Variants in VPS53 observed in about 807,000 individuals in gnomAD.
VPS53 encodes the protein VPS53 subunit of GARP complex.
VPS53 carries 70 observed loss-of-function variants against 107.0 expected under a neutral mutation model. The ratio of observed to expected loss-of-function variants is 0.65; its 90% CI spans 0.54 to 0.80. The LOEUF (loss-of-function observed/expected upper bound fraction) is 0.80. VPS53 is among the 30% of genes least tolerant of loss of function. The pLI is 0.00. For missense variants in VPS53, 917 were observed against 1,049.4 expected (o/e 0.87, Z 1.74); for synonymous variants, 409 against 393.3 (o/e 1.04, Z -0.47).
intron 18 of VPS53, 66 bp downstream of exon 18, chr17:536,962 T>C: frequency 6.3e-7 from 1 of 1,581,634 alleles, no homozygotes; most frequent in Non-Finnish European, 8.6e-7. Context: ...AACCTGAAAC[T>C]GTTCTAAAAC....
intron 7 of VPS53, among the ~76,000 whole-genome samples, chr17:634,701 T>C (rs1463767928): frequency 6.6e-6 from 1 of 152,036 alleles, no homozygotes; most frequent in Non-Finnish European, 1.5e-5. Flanking sequence ...CAGCTTCATC[T>C]GTGTCCCTAA....
chr17:541,523 G>A (rs201612315), intron 17 of VPS53, among the ~76,000 whole-genome samples: 3,375 of 151,818 alleles, frequency 0.022, 1 homozygote, highest in East Asian at 0.061. Flanking sequence ...ACTACGCACT[G>A]AAGGAATGTT....
intron 9 of VPS53, among the ~76,000 whole-genome samples, chr17:627,648 C>T (rs906279371): frequency 1.3e-5 from 2 of 151,974 alleles, no homozygotes; most frequent in South Asian, 2.1e-4. Context: ...TGGTGACAGG[C>T]GCCTGTAATC....
intron 10 of VPS53, among the ~76,000 whole-genome samples, chr17:624,995 CTTTT>C (rs56344843): frequency 4.6e-5 from 5 of 109,030 alleles, no homozygotes; most frequent in Non-Finnish European, 7.2e-5. Flanking sequence ...TCTCTCTCTT[CTTTT>C]TTTTTTTTTG....
At chr17:596,472 C>G (rs1242646174) in intron 12 of VPS53, among the ~76,000 whole-genome samples, 4 of 152,180 alleles carry the variant, frequency 2.6e-5, no homozygotes, top group South Asian at 2.1e-4. Context: ...GGTTCCACCT[C>G]TATCTGCAGA....
chr17:686,938 G>A lies in VPS53; in HGVS notation c.285+10480C>T, dbSNP rs9902566. On this transcript the variant is annotated intron_variant, in intron 4 of 21. Transcript: ENST00000437048. ...GAGGCAGAAGGATTGCTTGAGGCCA[G>A]GAGTTTGAGACTAGCCTGGGCAACA... Among the ~76,000 whole-genome samples, 268 of 151,606 alleles carry A rather than the reference G, an allele frequency of 1.8e-3. 1 individual carries two copies. Among genetic ancestry groups the A allele is most frequent in the African/African-American group, 6.0e-3 (248 of 41,328 alleles).
Position 623,544 on chromosome 17 carries a change from C to A in VPS53, c.1105G>T (p.Asp369Tyr). ...AGGGAAGGTCTTACCAGGGTCCCAT[C>A]GGTCAGGGTGCAGCCGGAGAAGCGT... Reference protein sequence around the residue: ...AKRFSGCTLTDGTLKKLESPP... With the variant: ...AKRFSGCTLTYGTLKKLESPP... The change falls in exon 11 of 22, where the codon GAT becomes TAT. Residue 369 changes from aspartate (D) to tyrosine (Y), a missense_variant. Transcript: ENST00000437048. The A allele has an allele frequency of 6.2e-7, 1 of 1,611,972 alleles. No homozygotes were observed. Among genetic ancestry groups the A allele is most frequent in the Non-Finnish European group, 8.5e-7 (1 of 1,178,382 alleles).
chr17:657,278 G>T, intron 5 of VPS53: 1 of 855,428 alleles, frequency 1.2e-6, no homozygotes, highest in Non-Finnish European at 2.0e-6. Flanking sequence ...GGATCAGATG[G>T]AAATTCTCTC....
rs1969559154 is a variant in VPS53 at position 623,527 on chromosome 17, T to A, written c.1116+6A>T. The A allele has an allele frequency of 6.2e-7, 1 of 1,611,034 alleles. No individual in the cohort carries two copies. The highest frequency in any genetic ancestry group is 1.3e-5 in the African/African-American group (1 of 75,008). ...TCACGTGGCAGCTCCCTAGGGAAGG[T>A]CTTACCAGGGTCCCATCGGTCAGGG... On this transcript the variant is annotated splice_donor_region_variant and intron_variant, in intron 11 of 21. Transcript: ENST00000437048.
chr17:588,971 T>G (rs1021891786), intron 12 of VPS53, among the ~76,000 whole-genome samples: 4 of 112,048 alleles, frequency 3.6e-5, no homozygotes, highest in Non-Finnish European at 5.4e-5. Flanking sequence ...GTGATTTAAT[T>G]TGTCTAACTC....
intron 19 of VPS53, among the ~76,000 whole-genome samples, chr17:529,560 A>C (rs1379173860): frequency 6.6e-6 from 1 of 152,230 alleles, no homozygotes; most frequent in Non-Finnish European, 1.5e-5. Context: ...CTCCTCAGCC[A>C]GAGCAGGCTC....
intron 13 of VPS53, among the ~76,000 whole-genome samples, chr17:566,767 G>A (rs949384793): frequency 6.7e-4 from 101 of 151,506 alleles, no homozygotes; most frequent in Non-Finnish European, 2.9e-4. Context: ...TTTTGGAGAC[G>A]GAGTCTCACT....
chr17:649,040 G>A (rs1250741420), intron 7 of VPS53, among the ~76,000 whole-genome samples: 9 of 22,714 alleles, frequency 4.0e-4, no homozygotes, highest in East Asian at 1.6e-3. Flanking sequence ...GAGGACAGAG[G>A]AATGGAACAG....
intron 13 of VPS53, among the ~76,000 whole-genome samples, chr17:568,198 G>A (rs940064987): frequency 1.3e-5 from 2 of 152,144 alleles, no homozygotes; most frequent in African/African-American, 4.8e-5. Flanking sequence ...GGCAACGCAG[G>A]TGAGCAAGGT....
intron 12 of VPS53, among the ~76,000 whole-genome samples, chr17:600,552 A>G (rs1458479992): frequency 6.6e-6 from 1 of 152,248 alleles, no homozygotes; most frequent in East Asian, 1.9e-4. Context: ...TCCTATAAAT[A>G]CATCTCCGGG....
chr17:630,846 T>G (rs1335070782), intron 8 of VPS53, among the ~76,000 whole-genome samples: 1 of 152,144 alleles, frequency 6.6e-6, no homozygotes, highest in Non-Finnish European at 1.5e-5. Flanking sequence ...CAATTCTTTC[T>G]CTTGAAATAG....
At chr17:603,902 G>A (rs1440734586) in intron 11 of VPS53, among the ~76,000 whole-genome samples, 2 of 152,320 alleles carry the variant, frequency 1.3e-5, no homozygotes, top group Non-Finnish European at 2.9e-5. Context: ...TTAGGTAATA[G>A]CATTAGACTC....
In VPS53 at chr17:601,851, C is replaced by T; in HGVS notation, c.1162G>A (p.Asp388Asn). ...PPPSTNPFLE[D>N]EPTPEMEELA... is the part of the protein sequence containing the mutation. The stretch of plus-strand genomic sequence containing the variant: ...TCCTCCATCTCTGGTGTTGGCTCAT[C>T]TTCCAGGAAGGGATTGGTAGATGGG... The change falls in exon 12 of 22, where the codon GAT (aspartate) becomes AAT (asparagine). Residue 388 changes from aspartate to asparagine, a missense_variant. Coordinates refer to ENST00000437048, the MANE Select transcript of VPS53 (RefSeq NM_001128159.3). 1 of 1,603,536 alleles carries T rather than the reference C, an allele frequency of 6.2e-7. No homozygotes were observed. The highest frequency in any genetic ancestry group is 8.5e-7 in the Non-Finnish European group (1 of 1,174,532).
intron 4 of VPS53, among the ~76,000 whole-genome samples, chr17:678,654 T>A (rs1258390462): frequency 6.6e-6 from 1 of 150,574 alleles, no homozygotes; most frequent in East Asian, 2.0e-4. Flanking sequence ...ATATATATTT[T>A]TTTGAGACAG....
Sources: allele counts gnomAD v4.1 joint callset (sites outside exome capture counted in the v4.1 genomes callset), GRCh38; gene constraint gnomAD v4.1.1; transcripts MANE v1.5; gene names NCBI Gene and HGNC (gene_info 2026-07-23, HGNC 2026-07-21).